ABCA9: variants seen among roughly 807,000 people sequenced by gnomAD.
ABCA9 encodes the protein ATP binding cassette subfamily A member 9, also known as ATP-binding cassette sub-family A member 9.
Under a neutral mutation model 205.3 loss-of-function variants are expected in ABCA9, and 183 were observed. That is an observed-to-expected ratio of 0.89 (90% confidence interval 0.79 to 1.01). The LOEUF (loss-of-function observed/expected upper bound fraction) is 1.01, where lower values mean the gene tolerates loss of function less well. ABCA9 is among the 50% of genes least tolerant of loss of function. The pLI is 0.00. For missense variants in ABCA9, 1,805 were observed against 1,912.4 expected (o/e 0.94, Z 1.05); for synonymous variants, 651 against 683.3 (o/e 0.95, Z 0.74).
In ABCA9 at chr17:68,987,740, T is replaced by C. The variant is rs186614966; in HGVS notation, c.4047+1287A>G. On this transcript the variant is annotated intron_variant, in intron 31 of 38. Transcript: ENST00000340001. ...GATTGACATGACCTCATTTGCGTTT[T>C]TTTTTGTTTGTTTGTTTGTTTGTTT... Among the ~76,000 whole-genome samples, 13 of 139,872 alleles carry C rather than the reference T, an allele frequency of 9.3e-5. No homozygotes were observed. The East Asian group carries it at 1.8e-3, about 19-fold the overall frequency. The allele number at this position is 139,872 out of a possible 152,430, so 91.8% of individuals were successfully genotyped here.
intron 27 of ABCA9, chr17:68,992,748 G>A (rs982244662): frequency 1.3e-5 from 4 of 302,196 alleles, no homozygotes; most frequent in Admixed American, 4.7e-5. Context: ...GGGAGGTGGA[G>A]GTTGTGGTGA....
At chr17:69,014,737 G>A (rs1174622411) in intron 22 of ABCA9, among the ~76,000 whole-genome samples, 4 of 152,136 alleles carry the variant, frequency 2.6e-5, no homozygotes, top group African/African-American at 9.7e-5. Context: ...GCACTCAACA[G>A]CTCTCATAGC....
At chr17:69,008,920 T>C (rs2070266094) in intron 23 of ABCA9, among the ~76,000 whole-genome samples, 1 of 152,138 alleles carries the variant, frequency 6.6e-6, no homozygotes, top group African/African-American at 2.4e-5. Context: ...GCAATTAAAA[T>C]TTCAAATCTA....
intron 1 of ABCA9, among the ~76,000 whole-genome samples, chr17:69,059,213 G>A (rs373816003): frequency 2.0e-5 from 3 of 152,132 alleles, no homozygotes; most frequent in Non-Finnish European, 4.4e-5. Flanking sequence ...AATGTGATTG[G>A]CAGAATAATG....
Position 69,026,466 on chromosome 17 carries a change from G to C in ABCA9, c.2052C>G (p.Asp684Glu). 6.2e-7 allele frequency: 1 copy of C among 1,611,018 alleles called. No homozygotes were observed. The highest frequency in any genetic ancestry group is 8.5e-7 in the Non-Finnish European group (1 of 1,177,694). The change falls in exon 16 of 39, where the codon GAC (aspartate) becomes GAG (glutamate). Residue 684 changes from aspartate (D) to glutamate (E), a missense_variant and splice_region_variant. Asp to Glu is a conservative substitution (Grantham distance 45, BLOSUM62 2). Coordinates refer to ENST00000340001, the MANE Select transcript of ABCA9 (RefSeq NM_080283.4). The part of the protein sequence containing the change: ...QFIDEADILA[D>E]RKVFISNGKL... ...TCCCATTGGATATGAACACCTTCCT[G>C]TCTAGTTAGAAATAATCAAAAGATA...
the ABCA9 span, among the ~76,000 whole-genome samples, chr17:69,074,984 T>A: frequency 1.3e-5 from 2 of 152,212 alleles, no homozygotes; most frequent in African/African-American, 4.8e-5. Context: ...TTGATTTGCA[T>A]TTCTCTGATG....
intron 21 of ABCA9, 25 bp downstream of exon 21, chr17:69,017,631 A>G (rs1567946572): frequency 6.2e-7 from 1 of 1,611,426 alleles, no homozygotes; most frequent in Non-Finnish European, 8.5e-7. Flanking sequence ...CTTTGGTGAA[A>G]TGCAGCAACT....
intron 1 of ABCA9, among the ~76,000 whole-genome samples, chr17:69,059,803 G>C (rs2072181674): frequency 6.6e-6 from 1 of 152,058 alleles, no homozygotes; most frequent in Admixed American, 6.6e-5. Context: ...TGCCTCATCA[G>C]CAGAACAAAG....
At chr17:69,043,135 T>C (rs1040356057) in intron 6 of ABCA9, 1 of 178,248 alleles carries the variant, frequency 5.6e-6, no homozygotes, top group East Asian at 1.6e-4. Flanking sequence ...CCTAGATCTC[T>C]TGAGTGACAG....
chr17:69,078,210 GTT>G, the ABCA9 span, among the ~76,000 whole-genome samples: 1 of 141,422 alleles, frequency 7.1e-6, no homozygotes, highest in African/African-American at 2.6e-5. Flanking sequence ...TGTTTTTGTT[GTT>G]TTTTTTTTTT....
chr17:68,981,909 T>C lies in ABCA9; in HGVS notation c.4720+653A>G, dbSNP rs116898816. 1.7e-4 allele frequency among the ~76,000 whole-genome samples: 24 copies of C among 142,688 alleles called. 1 individual carries two copies. In the East Asian group the frequency reaches 3.1e-3, roughly 18 times the overall value. The allele number at this position is 142,688 out of a possible 152,430, so 93.6% of individuals were successfully genotyped here. A position where few individuals can be genotyped will look rare whatever the true frequency, so the allele number is the denominator to read the frequency against. Reference sequence around the variant, plus strand: ...TGAAGGCAGGTAACAAGCCAGAAAGTACAGCTCAAGAAGGGGCATGAGGTT... The same window carrying C: ...TGAAGGCAGGTAACAAGCCAGAAAGCACAGCTCAAGAAGGGGCATGAGGTT... On this transcript the variant is annotated intron_variant, in intron 37 of 38. Coordinates refer to ENST00000340001, the MANE Select transcript of ABCA9 (RefSeq NM_080283.4).
chr17:69,060,045 T>G (rs1176676965), intron 1 of ABCA9, among the ~76,000 whole-genome samples: 1 of 152,190 alleles, frequency 6.6e-6, no homozygotes, highest in Non-Finnish European at 1.5e-5. Flanking sequence ...TTTCTGTGAA[T>G]TAATGTGTGT....
In ABCA9 at chr17:69,023,374, G is replaced by A. The variant is rs2070883949; in HGVS notation, c.2281+840C>T. On this transcript the variant is annotated intron_variant, in intron 17 of 38. Transcript: ENST00000340001. This position sits in a 1 kb window ranked among gnomAD's most constrained non-coding sequence, Gnocchi z 4.2. The stretch of plus-strand genomic sequence containing the variant: ...ATTTTAATTTTCTTTTCACAAGTGA[G>A]GAAACTGAGATACAGAATAGTACTA... 6.6e-6 allele frequency: 1 copy of A among 152,020 alleles called. No homozygotes were observed. The highest frequency in any genetic ancestry group is 1.5e-5 in the Non-Finnish European group (1 of 67,980). 9.4% of individuals were successfully genotyped at this position (152,020 alleles called of 1,614,324 possible). A position where few individuals can be genotyped will look rare whatever the true frequency, so the allele number is the denominator to read the frequency against.
chr17:69,053,521 C>A (rs906350371), intron 1 of ABCA9, among the ~76,000 whole-genome samples: 1 of 151,816 alleles, frequency 6.6e-6, no homozygotes, highest in African/African-American at 2.4e-5. Flanking sequence ...AAGAGAGAAC[C>A]AAAAATAAAT....
In ABCA9 at chr17:69,026,913, CT is replaced by C. The variant is rs982916514; in HGVS notation, c.2050+62del. ...AGGGAGACACAGCTGTGGAGCATAC[CT>C]GTTCATATTCCACACTGTCTCTAAC... On this transcript the variant is annotated intron_variant, in intron 15 of 38. Coordinates refer to ENST00000340001, the MANE Select transcript of ABCA9 (RefSeq NM_080283.4). 5 of 1,574,694 alleles carry C rather than the reference CT, an allele frequency of 3.2e-6. No homozygotes were observed. In the African/African-American group the frequency reaches 6.8e-5, roughly 21 times the overall value.
chr17:69,041,493 C>T (rs1245096459), intron 6 of ABCA9, among the ~76,000 whole-genome samples: 1 of 152,022 alleles, frequency 6.6e-6, no homozygotes. Flanking sequence ...CACTTGAGGT[C>T]AGGAGTTCAA....
intron 25 of ABCA9, among the ~76,000 whole-genome samples, chr17:69,006,525 T>C (rs1266015522): frequency 2.6e-5 from 4 of 152,264 alleles, no homozygotes; most frequent in South Asian, 2.1e-4. Flanking sequence ...TTGTCGATTA[T>C]ATACAGATAT....
rs865989829 is a variant in ABCA9 at position 69,001,578 on chromosome 17, C to T, written c.3436-5564G>A. ...ATCAAGGATATTGGTCTAAAATTCT[C>T]TTTTTTGGTTGTGTCTCTGCCCGGC... On this transcript the variant is annotated intron_variant, in intron 25 of 38. Coordinates refer to ENST00000340001, the MANE Select transcript of ABCA9 (RefSeq NM_080283.4). 1.8e-3 allele frequency among the ~76,000 whole-genome samples: 278 copies of T among 151,696 alleles called. 3 individuals carry two copies. Among genetic ancestry groups the T allele is most frequent in the African/African-American group, 6.3e-3 (261 of 41,316 alleles).
At chr17:68,986,455 AT>A in intron 31 of ABCA9, 131 bp from the exon 32 acceptor site, 1 of 876,718 alleles carries the variant, frequency 1.1e-6, no homozygotes, top group Non-Finnish European at 1.6e-6. Flanking sequence ...CAAATCAGTA[AT>A]CACTTAACTT....
Sources: gnomAD v4.1 joint callset for allele counts (sites outside exome capture counted in the v4.1 genomes callset) on GRCh38, gnomAD v4.1.1 for gene constraint, Gnocchi (gnomAD v3.1) non-coding constraint, MANE v1.5 for transcripts, NCBI Gene and HGNC (gene_info 2026-07-23, HGNC 2026-07-21) for gene names.